The following FBXL7 variants were observed in gnomAD, a reference collection of about 807,000 sequenced individuals.
FBXL7 encodes F-box/LRR-repeat protein 7.
FBXL7 carries 12 observed loss-of-function variants against 38.3 expected under a neutral mutation model. The ratio of observed to expected loss-of-function variants is 0.31; its 90% confidence interval spans 0.20 to 0.51. The LOEUF (loss-of-function observed/expected upper bound fraction) is 0.51. Ranked by LOEUF, FBXL7 falls within the 20% of genes least tolerant of loss-of-function variation. FBXL7 has a pLI of 0.98. For missense variants in FBXL7, 567 were observed against 676.4 expected, an observed-to-expected ratio of 0.84 and a Z score of 1.79; for synonymous variants, 297 against 300.9, an observed-to-expected ratio of 0.99 and a Z score of 0.13.
chr5:15,897,243 A>C (rs1194946965), intron 2 of FBXL7, among the ~76,000 whole-genome samples: 1 of 152,180 alleles, frequency 6.6e-6, no homozygotes, highest in Non-Finnish European at 1.5e-5. Flanking sequence ...CTTCTATGCA[A>C]TCACTCACCT....
In FBXL7 at chr5:15,770,552, G is replaced by A. The variant is rs73752303; in HGVS notation, c.127+154480G>A. Among the ~76,000 whole-genome samples the A allele has an allele frequency of 9.6e-3, 1,468 of 152,152 alleles. 21 individuals carry two copies. Among genetic ancestry groups the A allele is most frequent in the African/African-American group, 0.033 (1,378 of 41,508 alleles). ...GCCAGTGGCGAGGCAATAAACGAAC[G>A]AGTAGCTACTACCTCCAGACTTTTT... On this transcript the variant is annotated intron_variant, in intron 2 of 3. Coordinates refer to ENST00000504595, the MANE Select transcript of FBXL7 (RefSeq NM_012304.5).
intron 3 of FBXL7, among the ~76,000 whole-genome samples, chr5:15,929,669 A>G (rs1741988756): frequency 6.6e-6 from 1 of 151,480 alleles, no homozygotes; most frequent in South Asian, 2.1e-4. Flanking sequence ...AAATCCCAGC[A>G]TGGCTGCTTT....
rs141730768 is a variant in FBXL7 at position 15,732,332 on chromosome 5, C to T, written c.127+116260C>T. On this transcript the variant is annotated intron_variant, in intron 2 of 3. Transcript: ENST00000504595. ...AAAATAAAACAGGAGAAGCTTGATC[C>T]ACACAAAAGGAGTATGGTTTATAAT... Among the ~76,000 whole-genome samples the T allele has an allele frequency of 9.5e-3, 1,441 of 151,972 alleles. 23 individuals carry two copies. Among genetic ancestry groups the T allele is most frequent in the African/African-American group, 0.033 (1,354 of 41,444 alleles).
chr5:15,579,258 GC>G (rs1462623897), intron 1 of FBXL7, among the ~76,000 whole-genome samples: 1 of 152,096 alleles, frequency 6.6e-6, no homozygotes, highest in Non-Finnish European at 1.5e-5. Flanking sequence ...ACTCCCCCAG[GC>G]TGTTTTTGGC....
intron 2 of FBXL7, among the ~76,000 whole-genome samples, chr5:15,805,017 G>C (rs1351303805): frequency 6.6e-6 from 1 of 151,508 alleles, no homozygotes; most frequent in African/African-American, 2.4e-5. Flanking sequence ...CTCTCTCTTT[G>C]GCTTGTAGAT....
chr5:15,577,475 C>T (rs578012294), intron 1 of FBXL7, among the ~76,000 whole-genome samples: 5 of 152,178 alleles, frequency 3.3e-5, no homozygotes, highest in Non-Finnish European at 7.4e-5. Context: ...CATCATCGTT[C>T]GTTGCAGCTT....
At chr5:15,929,904 CTA>C (rs1741995163) in intron 3 of FBXL7, among the ~76,000 whole-genome samples, 1 of 152,120 alleles carries the variant, frequency 6.6e-6, no homozygotes, top group South Asian at 2.1e-4. Flanking sequence ...GTAAAAAACA[CTA>C]TGGTGGGTGA....
intron 2 of FBXL7, among the ~76,000 whole-genome samples, chr5:15,641,329 A>G (rs1185377430): frequency 6.6e-6 from 1 of 152,110 alleles, no homozygotes; most frequent in Non-Finnish European, 1.5e-5. Context: ...CTGCACACCC[A>G]ATTCCTTCTT....
chr5:15,807,714 T>A (rs2126748870), intron 2 of FBXL7, among the ~76,000 whole-genome samples: 1 of 152,200 alleles, frequency 6.6e-6, no homozygotes, highest in South Asian at 2.1e-4. Flanking sequence ...AGGAAGTTAT[T>A]ATACATTGAA....
In FBXL7 at chr5:15,500,524, C is replaced by T; in HGVS notation, c.-153C>T. Reference sequence around the variant, plus strand: ...CGCAGCACCCCCTCCCACTGGAGTGCGGGGACCTCTCCAGGCCGGAGGTCG... The same window carrying T: ...CGCAGCACCCCCTCCCACTGGAGTGTGGGGACCTCTCCAGGCCGGAGGTCG... On this transcript the variant is annotated 5_prime_UTR_variant, in exon 1 of 4. Coordinates refer to ENST00000504595, the MANE Select transcript of FBXL7 (RefSeq NM_012304.5). 1 of 1,008,940 alleles carries T rather than the reference C, an allele frequency of 9.9e-7. No homozygotes were observed. Among genetic ancestry groups the T allele is most frequent in the Non-Finnish European group, 1.6e-6 (1 of 634,462 alleles). 62.5% of individuals were successfully genotyped at this position (1,008,940 alleles called of 1,614,324 possible).
chr5:15,883,495 G>A (rs893511951), intron 2 of FBXL7, among the ~76,000 whole-genome samples: 2 of 151,994 alleles, frequency 1.3e-5, no homozygotes, highest in African/African-American at 2.4e-5. Flanking sequence ...CAATTTTTTC[G>A]TGTTGTAAGA....
chr5:15,842,544 A>G (rs565071452), intron 2 of FBXL7, among the ~76,000 whole-genome samples: 3 of 152,274 alleles, frequency 2.0e-5, no homozygotes, highest in Non-Finnish European at 4.4e-5. Context: ...ATGTGAGGAC[A>G]TGAGATTTGG....
chr5:15,887,354 A>C (rs1740719886), intron 2 of FBXL7, among the ~76,000 whole-genome samples: 1 of 152,174 alleles, frequency 6.6e-6, no homozygotes, highest in Non-Finnish European at 1.5e-5. Context: ...AGGGAGGAAC[A>C]TATGTGGAAG....
At chr5:15,707,842 C>T (rs1743739784) in intron 2 of FBXL7, among the ~76,000 whole-genome samples, 2 of 152,074 alleles carry the variant, frequency 1.3e-5, no homozygotes, top group African/African-American at 4.8e-5. Context: ...CCTGCTTGAC[C>T]ACGTGAGAAT....
intron 2 of FBXL7, among the ~76,000 whole-genome samples, chr5:15,778,256 T>G (rs765724949): frequency 6.6e-6 from 1 of 152,104 alleles, no homozygotes; most frequent in African/African-American, 2.4e-5. Context: ...ATTTTTCACT[T>G]TCTTTAAATC....
At chr5:15,560,613 C>T (rs985803872) in intron 1 of FBXL7, among the ~76,000 whole-genome samples, 2 of 152,178 alleles carry the variant, frequency 1.3e-5, no homozygotes, top group African/African-American at 4.8e-5. Context: ...GTTTATTACA[C>T]ATGTCAGGTA....
chr5:15,802,493 C>G (rs978935584), intron 2 of FBXL7, among the ~76,000 whole-genome samples: 1 of 151,994 alleles, frequency 6.6e-6, no homozygotes, highest in Non-Finnish European at 1.5e-5. Context: ...GCTAGCTTAG[C>G]CCCGCCTCAG....
intron 2 of FBXL7, among the ~76,000 whole-genome samples, chr5:15,645,154 A>T (rs1741491089): frequency 6.6e-6 from 1 of 152,124 alleles, no homozygotes; most frequent in South Asian, 2.1e-4. Context: ...CAACATGTAT[A>T]TTCATAATTA....
chr5:15,565,259 A>G (rs543141051), intron 1 of FBXL7, among the ~76,000 whole-genome samples: 77 of 152,244 alleles, frequency 5.1e-4, no homozygotes, highest in African/African-American at 1.8e-3. Context: ...TGTTTCTAAC[A>G]TAACACCATG....
Sources: gnomAD v4.1 joint callset for allele counts (sites outside exome capture counted in the v4.1 genomes callset) on GRCh38, gnomAD v4.1.1 for gene constraint, MANE v1.5 for transcripts, NCBI Gene and HGNC (gene_info 2026-07-23, HGNC 2026-07-21) for gene names.